GNAL: variants seen among roughly 807,000 people sequenced by gnomAD.
The protein encoded by GNAL is G protein subunit alpha L.
A neutral mutation model predicts 55.1 loss-of-function variants in GNAL; 18 were observed. The ratio of observed to expected loss-of-function variants is 0.33; its 90% CI spans 0.23 to 0.48. The LOEUF (loss-of-function observed/expected upper bound fraction) is 0.48, where lower values mean the gene tolerates loss of function less well. Ranked by LOEUF, GNAL falls within the 20% of genes least tolerant of loss-of-function variation. The pLI is 0.99. For synonymous variants in GNAL, 253 were observed against 237.0 expected (o/e 1.07, Z -0.62); for missense variants, 412 against 614.1 (o/e 0.67, Z 3.48).
chr18:11,876,387 G>A (rs939382319), intron 10 of GNAL, among the ~76,000 whole-genome samples: 4 of 151,988 alleles, frequency 2.6e-5, no homozygotes, highest in East Asian at 1.9e-4. Flanking sequence ...CACTTGAACC[G>A]GGGAGGTGGA....
At chr18:11,727,146 TG>T (rs2032231000) in intron 1 of GNAL, among the ~76,000 whole-genome samples, 1 of 152,042 alleles carries the variant, frequency 6.6e-6, no homozygotes, top group African/African-American at 2.4e-5. Context: ...CTGCTCTCAC[TG>T]GGTCCCCACT....
intron 5 of GNAL, among the ~76,000 whole-genome samples, chr18:11,839,569 A>AAT (rs1555656666): frequency 1.2e-4 from 18 of 150,400 alleles, no homozygotes; most frequent in East Asian, 3.9e-4. Flanking sequence ...AAAAAAAAAA[A>AAT]TTTTTTTTCT....
At chr18:11,820,042 A>G (rs2035053462) in intron 4 of GNAL, among the ~76,000 whole-genome samples, 1 of 152,200 alleles carries the variant, frequency 6.6e-6, no homozygotes, top group Non-Finnish European at 1.5e-5. Context: ...TACAAATGAA[A>G]GGGGATTTGG....
intron 5 of GNAL, among the ~76,000 whole-genome samples, chr18:11,849,371 G>C (rs947423581): frequency 6.6e-6 from 1 of 152,070 alleles, no homozygotes; most frequent in East Asian, 1.9e-4. Context: ...TAGTGCTGGC[G>C]TGTGCCTGTA....
chr18:11,751,138 A>C lies in GNAL; in HGVS notation c.377-1715A>C, dbSNP rs1490905365. 1.3e-5 allele frequency among the ~76,000 whole-genome samples: 2 copies of C among 152,136 alleles called. No homozygotes were observed. Among genetic ancestry groups the C allele is most frequent in the Admixed American group, 1.3e-4 (2 of 15,270 alleles). On this transcript the variant is annotated intron_variant, in intron 1 of 11. Coordinates refer to ENST00000334049, the MANE Select transcript of GNAL (RefSeq NM_182978.4). The surrounding 1 kb of genome is among the most constrained non-coding windows in gnomAD (Gnocchi z 4.5). ...GCGCAGCGCCAAGCCCGAGACGGTC[A>C]ACTGGGAGCCGCCACACACAAGGAA...
At chr18:11,798,121 T>C (rs1335680365) in intron 4 of GNAL, among the ~76,000 whole-genome samples, 1 of 152,166 alleles carries the variant, frequency 6.6e-6, no homozygotes, top group Non-Finnish European at 1.5e-5. Context: ...TAGTCCCAGT[T>C]ACTCTGGAGG....
chr18:11,790,354 T>C (rs568629126), intron 4 of GNAL, among the ~76,000 whole-genome samples: 4 of 152,116 alleles, frequency 2.6e-5, no homozygotes, highest in Non-Finnish European at 5.9e-5. Flanking sequence ...CCAGGGCGTT[T>C]GTCAGCTCCT....
Position 11,872,256 on chromosome 18 carries a change from T to C in GNAL, c.1032-12T>C. ...GTATGTGAAATTTGTATGTTTATTTTTCCTTTTTTAGGTGGTTACGGACCA... is the reference window on the plus strand; with the variant it reads ...GTATGTGAAATTTGTATGTTTATTTCTCCTTTTTTAGGTGGTTACGGACCA... On this transcript the variant is annotated splice_polypyrimidine_tract_variant and intron_variant, in intron 9 of 11. Transcript: ENST00000334049. 2 of 1,559,926 alleles carry C rather than the reference T, an allele frequency of 1.3e-6. No individual in the cohort carries two copies. Among genetic ancestry groups the C allele is most frequent in the Non-Finnish European group, 8.7e-7 (1 of 1,153,698 alleles).
chr18:11,829,209 C>T (rs1002525381), intron 5 of GNAL, among the ~76,000 whole-genome samples: 1 of 152,208 alleles, frequency 6.6e-6, no homozygotes, highest in Admixed American at 6.5e-5. Flanking sequence ...GCTTTCTGAA[C>T]CCTGGGCCTG....
intron 1 of GNAL, among the ~76,000 whole-genome samples, chr18:11,730,831 G>T (rs528498027): frequency 1.3e-5 from 2 of 152,248 alleles, no homozygotes; most frequent in Non-Finnish European, 2.9e-5. Flanking sequence ...AGTTAAGGGG[G>T]TCGGCTATCT....
intron 4 of GNAL, among the ~76,000 whole-genome samples, chr18:11,779,194 G>T (rs1314699844): frequency 1.3e-5 from 2 of 152,304 alleles, no homozygotes; most frequent in East Asian, 3.9e-4. Context: ...CTGCGAAATG[G>T]AAAGCAGGAG....
chr18:11,755,644 A>G (rs1411152567), intron 4 of GNAL, among the ~76,000 whole-genome samples: 1 of 152,182 alleles, frequency 6.6e-6, no homozygotes, highest in Non-Finnish European at 1.5e-5. Flanking sequence ...TAAGCATGCC[A>G]GTGTAGAGCC....
Position 11,876,628 on chromosome 18 carries a change from A to G in GNAL, c.1170A>G (p.Pro390=). The change falls in exon 11 of 12, where the codon CCA becomes CCG. Residue 390 remains proline, a synonymous_variant. Transcript: ENST00000334049. ...ANYTVPEDAT[P]DAGEDPKVTR... Reference sequence around the variant, plus strand: ...CATTTGTCATTTCTACAGCAACACCAGATGCAGGAGAAGATCCCAAAGTTA... The same window carrying G: ...CATTTGTCATTTCTACAGCAACACCGGATGCAGGAGAAGATCCCAAAGTTA... 6.3e-7 allele frequency: 1 copy of G among 1,589,872 alleles called. No homozygotes were observed. Among genetic ancestry groups the G allele is most frequent in the East Asian group, 2.2e-5 (1 of 44,798 alleles).
chr18:11,761,200 C>T (rs1311357307), intron 4 of GNAL, among the ~76,000 whole-genome samples: 4 of 152,192 alleles, frequency 2.6e-5, no homozygotes, highest in Non-Finnish European at 5.9e-5. Flanking sequence ...TCACCGCCTG[C>T]ACCTCCACCT....
At chr18:11,740,453 G>T (rs548797552) in intron 1 of GNAL, among the ~76,000 whole-genome samples, 1 of 152,188 alleles carries the variant, frequency 6.6e-6, no homozygotes, top group East Asian at 1.9e-4. Context: ...ACAGAAATAG[G>T]AAATACATGC....
chr18:11,785,164 G>T (rs2034022824), intron 4 of GNAL, among the ~76,000 whole-genome samples: 1 of 152,130 alleles, frequency 6.6e-6, no homozygotes. Context: ...AAGTCTTTTA[G>T]ATGGTTTTAT....
intron 4 of GNAL, among the ~76,000 whole-genome samples, chr18:11,765,462 A>G (rs2033374824): frequency 6.6e-6 from 1 of 152,154 alleles, no homozygotes; most frequent in South Asian, 2.1e-4. Context: ...TATACAATAA[A>G]TTATTAAGTT....
rs1175671855 is a variant in GNAL, at chr18:11,881,228, C to T, written c.*93C>T. 2.4e-6 allele frequency: 3 copies of T among 1,265,382 alleles called. No individual in the cohort carries two copies. The highest frequency in any genetic ancestry group is 3.3e-6 in the Non-Finnish European group (3 of 916,132). 78.4% of individuals were successfully genotyped at this position (1,265,382 alleles called of 1,614,324 possible). On this transcript the variant is annotated 3_prime_UTR_variant, in exon 12 of 12. Coordinates refer to ENST00000334049, the MANE Select transcript of GNAL (RefSeq NM_182978.4). The surrounding 1 kb of genome is among the most constrained non-coding windows in gnomAD (Gnocchi z 4.8). ...TAGGAGGCAGAGTCTCTAGTTCCAT[C>T]TCGCTGCCGTCTGTCCCGTTCTGTG... is the stretch of plus-strand genomic sequence containing the variant.
At chr18:11,796,991 G>C (rs534697827) in intron 4 of GNAL, among the ~76,000 whole-genome samples, 1 of 152,296 alleles carries the variant, frequency 6.6e-6, no homozygotes, top group South Asian at 2.1e-4. Context: ...GTCTCACTGT[G>C]CCACCCAGGC....
Sources: gnomAD v4.1 joint callset for allele counts (sites outside exome capture counted in the v4.1 genomes callset) on GRCh38, gnomAD v4.1.1 for gene constraint, Gnocchi (gnomAD v3.1) non-coding constraint, MANE v1.5 for transcripts, NCBI Gene and HGNC (gene_info 2026-07-23, HGNC 2026-07-21) for gene names.